Variants in NOC2L observed in about 807,000 individuals in gnomAD.
NOC2L encodes the protein NOC2 like nucleolar associated transcriptional repressor.
Under a neutral mutation model 94.2 loss-of-function variants are expected in NOC2L, and 101 were observed. That is an observed-to-expected ratio of 1.07 (90% confidence interval 0.91 to 1.26). The LOEUF is 1.26. Among genes scored for constraint, NOC2L ranks in the 50% most tolerant of loss-of-function variants. The pLI is 0.00. For synonymous variants in NOC2L, 531 were observed against 413.4 expected (o/e 1.28, Z -3.45); for missense variants, 1,076 against 980.1 (o/e 1.10, Z -1.31).
Position 946,489 on chromosome 1 carries a change from C to T in NOC2L, c.1716G>A (p.Gln572=), listed in dbSNP as rs1642121849. Residue 572 remains glutamine (Q), a synonymous_variant, in exon 15 of 19, where the codon CAG becomes CAA. Transcript: ENST00000327044. ...AGTTCTCCTGAACCTTCCCAAGCAGCTGCTGCACCTGCCGGCAGTAGTTGG... is the reference window on the plus strand; with the variant it reads ...AGTTCTCCTGAACCTTCCCAAGCAGTTGCTGCACCTGCCGGCAGTAGTTGG... ...KVANYCRQVQ[Q]LLGKVQENSA... The T allele has an allele frequency of 2.5e-6, 4 of 1,613,268 alleles. No homozygotes were observed. The African/African-American group carries it at 4.0e-5, about 16-fold the overall frequency.
rs554280971 is a variant in NOC2L at position 950,184 on chromosome 1, G to A, written c.1443+943C>T. On this transcript the variant is annotated intron_variant, in intron 12 of 18. Transcript: ENST00000327044. ...CACACACAAGCAGACGTGCATGCATGCACCCAAGTGTACAGGTACACGCAC... is the reference window on the plus strand; with the variant it reads ...CACACACAAGCAGACGTGCATGCATACACCCAAGTGTACAGGTACACGCAC... Among the ~76,000 whole-genome samples, 9 of 144,146 alleles carry A rather than the reference G, an allele frequency of 6.2e-5. No homozygotes were observed. In the South Asian group the frequency reaches 1.1e-3, roughly 18 times the overall value. 94.6% of individuals were successfully genotyped at this position (144,146 alleles called of 152,430 possible). A position where few individuals can be genotyped will look rare whatever the true frequency, so the allele number is the denominator to read the frequency against.
chr1:946,437 T>G lies in NOC2L; in HGVS notation c.1768A>C (p.Arg590=), dbSNP rs769995846. ...NSAYICSRRQ[R]VSFGVSEQQA... is the part of the protein sequence containing the mutation. ...TGCTCAGAGACGCCGAAGGAAACCC[T>G]CTGGCGGCGGCTGCAGATGTATGCC... Residue 590 remains arginine, a synonymous_variant, in exon 15 of 19, where the codon AGG becomes CGG. Transcript: ENST00000327044. The G allele has an allele frequency of 3.4e-5, 55 of 1,613,298 alleles. No individual in the cohort carries two copies. In the Admixed American group the frequency reaches 9.0e-4, roughly 26 times the overall value.
chr1:951,320 C>G, intron 11 of NOC2L, 82 bp from the exon 12 acceptor site: 2 of 1,064,990 alleles, frequency 1.9e-6, no homozygotes, highest in Non-Finnish European at 2.8e-6. Context: ...GACCTCCTCC[C>G]CCACTCACCG....
Position 952,143 on chromosome 1 carries a change from G to A in NOC2L, c.1192-4C>T, listed in dbSNP as rs777809395. ...TGTACACAGACTGGTATGTTTCCTG[G>A]TCAGAGAGAACCACGTCAGCTACTG... On this transcript the variant is annotated splice_region_variant and splice_polypyrimidine_tract_variant and intron_variant, in intron 10 of 18. Coordinates refer to ENST00000327044, the MANE Select transcript of NOC2L (RefSeq NM_015658.4). The A allele has an allele frequency of 3.7e-6, 6 of 1,613,478 alleles. No homozygotes were observed. Among genetic ancestry groups the A allele is most frequent in the East Asian group, 4.5e-5 (2 of 44,890 alleles).
Position 948,117 on chromosome 1 carries a change from G to A in NOC2L, c.1659+14C>T. Reference sequence around the variant, plus strand: ...TCTGAGTCGGCCACGAGCCGGTGTGGGCAGGACACACACCTGCAGGACCAC... The same window carrying A: ...TCTGAGTCGGCCACGAGCCGGTGTGAGCAGGACACACACCTGCAGGACCAC... On this transcript the variant is annotated intron_variant, in intron 14 of 18. Transcript: ENST00000327044. 6.4e-7 allele frequency: 1 copy of A among 1,562,498 alleles called. No individual in the cohort carries two copies. Among genetic ancestry groups the A allele is most frequent in the Non-Finnish European group, 8.7e-7 (1 of 1,150,426 alleles).
At chr1:949,430 G>A (rs1217433000) in intron 12 of NOC2L, among the ~76,000 whole-genome samples, 2 of 152,214 alleles carry the variant, frequency 1.3e-5, no homozygotes, top group African/African-American at 4.8e-5. Context: ...TCTCTAGCCT[G>A]GGCCAAAAGT....
chr1:951,008 C>T (rs1642246063), intron 12 of NOC2L, 119 bp downstream of exon 12: 4 of 767,024 alleles, frequency 5.2e-6, no homozygotes, highest in Non-Finnish European at 6.8e-6. Context: ...ACACCCGTGA[C>T]AAGGAGGCGG....
rs754582637 is a variant in NOC2L at position 951,161 on chromosome 1, C to T, written c.1409G>A (p.Gly470Glu). ...RALTLLSGSS[G>E]AFIPVLPFIL... Reference sequence around the variant, plus strand: ...GAAAGGCAGCACCGGGATGAAGGCCCCCGAGCTCCCCGAGAGCAGCGTCAG... The same window carrying T: ...GAAAGGCAGCACCGGGATGAAGGCCTCCGAGCTCCCCGAGAGCAGCGTCAG... Residue 470 changes from glycine to glutamate, a missense_variant, in exon 12 of 19, where the codon GGG (glycine) becomes GAG (glutamate). This residue lies in a region of NOC2L where 615 missense variants were observed against 577.4 expected (regional missense o/e 1.07). Transcript: ENST00000327044. The T allele has an allele frequency of 2.3e-5, 37 of 1,592,792 alleles. No homozygotes were observed. Among genetic ancestry groups the T allele is most frequent in the Non-Finnish European group, 3.2e-5 (37 of 1,169,826 alleles).
chr1:948,361 C>A, intron 13 of NOC2L, 129 bp from the exon 14 acceptor site: 2 of 1,049,248 alleles, frequency 1.9e-6, no homozygotes, highest in South Asian at 1.4e-5. Context: ...GGCTCCTGGG[C>A]CCCAGCCCTG....
intron 11 of NOC2L, 67 bp downstream of exon 11, chr1:951,933 C>T (rs1642270697): frequency 3.2e-6 from 5 of 1,546,620 alleles, no homozygotes; most frequent in South Asian, 1.2e-5. Flanking sequence ...GAGGCACCGC[C>T]CACACAGTCC....
At chr1:950,288 G>A (rs886524794) in intron 12 of NOC2L, among the ~76,000 whole-genome samples, 1 of 151,730 alleles carries the variant, frequency 6.6e-6, no homozygotes, top group Non-Finnish European at 1.5e-5. Flanking sequence ...TATGCACATA[G>A]GTGCACACAG....
At position 959,208 on chromosome 1, in the gene NOC2L, G is replaced by A. The variant is rs745317715; in HGVS notation, c.26+7C>T. 18 of 1,609,910 alleles carry A rather than the reference G, an allele frequency of 1.1e-5. No individual in the cohort carries two copies. The Admixed American group carries it at 1.2e-4, about 10-fold the overall frequency. On this transcript the variant is annotated splice_region_variant and intron_variant, in intron 1 of 18. Transcript: ENST00000327044. ...AGGCCAAATCGGCCCTCGGACCCGC[G>A]GCTTACCTCTTGCGGCTCCCCGCAG...
intron 6 of NOC2L, among the ~76,000 whole-genome samples, chr1:955,698 A>G (rs1184636982): frequency 6.6e-6 from 1 of 152,236 alleles, no homozygotes; most frequent in African/African-American, 2.4e-5. Flanking sequence ...CTCTGAGCAG[A>G]CAACTTCCCT....
chr1:952,578 C>A lies in NOC2L; in HGVS notation c.1025G>T (p.Arg342Met), dbSNP rs963122047. 1 of 1,613,816 alleles carries A rather than the reference C, an allele frequency of 6.2e-7. No individual in the cohort carries two copies. Residue 342 changes from arginine to methionine, a missense_variant, in exon 10 of 19, where the codon AGG becomes ATG. Arg to Met is a moderately conservative substitution (Grantham distance 91). Transcript: ENST00000327044. ...ACCAGGCGAGGTGAACTTGCAGTTC[C>A]TCACATACGTGATGTACATTTGCTG... ...VLKQMYITYV[R>M]NCKFTSPGAL...
chr1:947,124 GT>G (rs1270009208), intron 14 of NOC2L: 2 of 152,734 alleles, frequency 1.3e-5, no homozygotes, highest in Admixed American at 1.3e-4. Flanking sequence ...GCATTGCATG[GT>G]TCTGCAGTTG....
intron 9 of NOC2L, 75 bp downstream of exon 9, chr1:953,100 G>C (rs1642301703): frequency 9.3e-7 from 1 of 1,072,924 alleles, no homozygotes; most frequent in Non-Finnish European, 1.4e-6. Context: ...CAACCACAAA[G>C]GCAGCCCGCC....
chr1:946,665 C>G, intron 14 of NOC2L, 120 bp from the exon 15 acceptor site: 1 of 1,228,098 alleles, frequency 8.1e-7, no homozygotes, highest in East Asian at 2.4e-5. Flanking sequence ...GGACATGGAT[C>G]CCATCTCAGG....
rs377423563 is a variant in NOC2L at position 944,807 on chromosome 1, G to A, written c.2144-7C>T. ...TCTGCGTCTGGGTCTCCATCTGCGG[G>A]GAGAGATGGAGGCTACATAAATTTT... On this transcript the variant is annotated splice_polypyrimidine_tract_variant and splice_region_variant and intron_variant, in intron 18 of 18. Transcript: ENST00000327044. The A allele has an allele frequency of 2.8e-5, 43 of 1,535,038 alleles. No individual in the cohort carries two copies. Among genetic ancestry groups the A allele is most frequent in the South Asian group, 5.7e-5 (5 of 87,118 alleles).
At chr1:957,831 G>A (rs1384971727) in intron 2 of NOC2L, 4 of 158,838 alleles carry the variant, frequency 2.5e-5, no homozygotes, top group South Asian at 1.8e-4. Context: ...TCTTATGACG[G>A]TCTACGGCAC....
Sources: allele counts gnomAD v4.1 joint callset (sites outside exome capture counted in the v4.1 genomes callset), GRCh38; gene constraint gnomAD v4.1.1; regional missense constraint gnomAD v4.1.1; transcripts MANE v1.5; gene names NCBI Gene and HGNC (gene_info 2026-07-23, HGNC 2026-07-21).